Variants in TCOF1 observed in about 807,000 individuals in gnomAD.
TCOF1 encodes the protein treacle protein.
In TCOF1, 33 loss-of-function variants were observed where a neutral mutation model predicts 149.0. That is an observed-to-expected ratio of 0.22 (90% confidence interval 0.17 to 0.30). The LOEUF (loss-of-function observed/expected upper bound fraction) is 0.30, where lower values mean the gene tolerates loss of function less well. Ranked by LOEUF, TCOF1 falls within the 10% of genes least tolerant of loss-of-function variation. The pLI is 1.00. For synonymous variants in TCOF1, 789 were observed against 738.8 expected (o/e 1.07, Z -1.10); for missense variants, 1,728 against 1,840.7 (o/e 0.94, Z 1.12).
chr5:150,387,227 G>A (rs1864959), intron 17 of TCOF1, among the ~76,000 whole-genome samples: 58,913 of 152,144 alleles, frequency 0.39, 11,823 homozygotes, highest in Middle Eastern at 0.51. Context: ...ATTGTCTCAT[G>A]GAGTTCAGTT....
chr5:150,358,092 G>T (rs539815986), intron 1 of TCOF1, among the ~76,000 whole-genome samples: 63 of 152,328 alleles, frequency 4.1e-4, no homozygotes, highest in Non-Finnish European at 7.2e-4. Context: ...AAGTGTGCTC[G>T]CAGGGGCCGA....
intron 24 of TCOF1, 53 bp from the exon 25 acceptor site, chr5:150,398,301 C>T: frequency 6.2e-7 from 1 of 1,610,534 alleles, no homozygotes; most frequent in Non-Finnish European, 8.5e-7. Flanking sequence ...ACATTGACCC[C>T]AGCACTTAGG....
At chr5:150,391,207 CA>C (rs1767365601) in intron 19 of TCOF1, among the ~76,000 whole-genome samples, 2 of 152,260 alleles carry the variant, frequency 1.3e-5, no homozygotes, top group East Asian at 3.9e-4. Flanking sequence ...AGCAAGGGGT[CA>C]TGCCCAATTT....
chr5:150,367,766 G>T, intron 3 of TCOF1, 78 bp from the exon 4 acceptor site: 1 of 1,530,544 alleles, frequency 6.5e-7, no homozygotes, highest in South Asian at 1.2e-5. Flanking sequence ...AGAATTGTTA[G>T]GTGAGATGAA....
At chr5:150,392,331 A>G in intron 21 of TCOF1, 155 bp downstream of exon 21, 1 of 741,862 alleles carries the variant, frequency 1.3e-6, no homozygotes, top group African/African-American at 1.8e-5. Context: ...CAACTTCATG[A>G]GGAAGTCAAT....
In TCOF1 at chr5:150,393,515, G is replaced by A; in HGVS notation, c.3747G>A (p.Lys1249=). The A allele has an allele frequency of 6.2e-7, 1 of 1,614,168 alleles. No individual in the cohort carries two copies. The highest frequency in any genetic ancestry group is 8.5e-7 in the Non-Finnish European group (1 of 1,180,032). Residue 1249 remains lysine, a synonymous_variant, in exon 23 of 27, where the codon AAG becomes AAA. Coordinates refer to ENST00000643257, the MANE Select transcript of TCOF1 (RefSeq NM_001371623.1). ...ACCCAGATGGCAAGCAGGAGGCAAA[G>A]CCCCAACAGGCAGCAGGCATGTTGT... is the stretch of plus-strand genomic sequence containing the variant. ...KDDPDGKQEA[K]PQQAAGMLSP... is the part of the protein sequence containing the mutation.
intron 17 of TCOF1, among the ~76,000 whole-genome samples, chr5:150,382,219 C>T (rs896817891): frequency 2.0e-5 from 3 of 152,004 alleles, no homozygotes; most frequent in Non-Finnish European, 2.9e-5. Flanking sequence ...TCAGGCTGGA[C>T]GTTCTACCGC....
At chr5:150,365,377 G>A (rs888212744) in intron 3 of TCOF1, among the ~76,000 whole-genome samples, 7 of 151,180 alleles carry the variant, frequency 4.6e-5, no homozygotes, top group African/African-American at 1.7e-4. Flanking sequence ...ACTGCGCCCT[G>A]GATATATATT....
intron 12 of TCOF1, 86 bp from the exon 13 acceptor site, chr5:150,375,996 A>C (rs1158361605): frequency 6.2e-7 from 1 of 1,613,666 alleles, no homozygotes; most frequent in African/African-American, 1.3e-5. Flanking sequence ...CCTCAGGCAG[A>C]GCATGGGTTT....
chr5:150,388,143 G>A, intron 18 of TCOF1, 55 bp downstream of exon 18: 1 of 1,608,604 alleles, frequency 6.2e-7, no homozygotes, highest in Non-Finnish European at 8.5e-7. Context: ...GCCCCACATT[G>A]AGGCCCAGAA....
chr5:150,372,874 A>G (rs1259194529), intron 7 of TCOF1, among the ~76,000 whole-genome samples: 3 of 152,174 alleles, frequency 2.0e-5, no homozygotes, highest in Non-Finnish European at 4.4e-5. Flanking sequence ...CTCAGTAAAG[A>G]CCAGAAGGAG....
chr5:150,369,734 G>A (rs1274340205), intron 6 of TCOF1, 132 bp downstream of exon 6: 1 of 1,004,630 alleles, frequency 1.0e-6, no homozygotes, highest in Non-Finnish European at 1.5e-6. Context: ...GAGCTGGAAA[G>A]GCTGCAGCCG....
At position 150,392,863 on chromosome 5, in the gene TCOF1, G is replaced by C. The variant is rs936077783; in HGVS notation, c.3603+73G>C. On this transcript the variant is annotated intron_variant, in intron 22 of 26. Transcript: ENST00000643257. ...CCCCAGGCCAGGCTCCTGTCTACCC[G>C]ATCCCTCAGGTCAGGGGTCTGGGTC... 2.6e-6 allele frequency: 4 copies of C among 1,541,178 alleles called. No homozygotes were observed. In the African/African-American group the frequency reaches 5.5e-5, roughly 21 times the overall value.
intron 21 of TCOF1, 54 bp from the exon 22 acceptor site, chr5:150,392,651 T>C: frequency 6.3e-7 from 1 of 1,596,492 alleles, no homozygotes. Context: ...GCTCTGCCCT[T>C]CCCGGCTGGC....
At chr5:150,366,034 A>G (rs1761269817) in intron 3 of TCOF1, among the ~76,000 whole-genome samples, 1 of 150,674 alleles carries the variant, frequency 6.6e-6, no homozygotes, top group Admixed American at 6.6e-5. Flanking sequence ...AGGTGGGAGG[A>G]TTACTTGAGC....
At chr5:150,398,957 TG>T (rs1769188944) in intron 25 of TCOF1, 64 bp from the exon 26 acceptor site, 2 of 1,611,628 alleles carry the variant, frequency 1.2e-6, no homozygotes, top group Admixed American at 3.3e-5. Context: ...CCTCAGGAGG[TG>T]GGGGCAGCAG....
chr5:150,363,968 G>T (rs1054580766), intron 2 of TCOF1, 145 bp from the exon 3 acceptor site: 4 of 1,130,204 alleles, frequency 3.5e-6, no homozygotes, highest in Non-Finnish European at 5.2e-6. Flanking sequence ...ATACAAAATT[G>T]TGCCTATACT....
intron 17 of TCOF1, chr5:150,384,930 C>T (rs547638979): frequency 1.0e-6 from 1 of 985,402 alleles, no homozygotes; most frequent in East Asian, 1.1e-4. Flanking sequence ...TGGGCAGAGT[C>T]CCAGGCTGGG....
At chr5:150,369,698 T>G in intron 6 of TCOF1, 96 bp downstream of exon 6, 1 of 1,362,376 alleles carries the variant, frequency 7.3e-7, no homozygotes, top group Admixed American at 1.9e-5. Context: ...CCCAGATGAG[T>G]TCAGCAACTG....
Sources: allele counts gnomAD v4.1 joint callset (sites outside exome capture counted in the v4.1 genomes callset), GRCh38; gene constraint gnomAD v4.1.1; transcripts MANE v1.5; gene names NCBI Gene and HGNC (gene_info 2026-07-23, HGNC 2026-07-21).